Variants in TRIO observed in about 807,000 individuals in gnomAD.
TRIO encodes triple functional domain protein.
A neutral mutation model predicts 351.9 loss-of-function variants in TRIO; 58 were observed. The ratio of observed to expected loss-of-function variants is 0.16; its 90% confidence interval spans 0.13 to 0.21. The LOEUF (loss-of-function observed/expected upper bound fraction) is 0.21. TRIO is among the 10% of genes least tolerant of loss of function. TRIO has a pLI of 1.00. For synonymous variants in TRIO, 1,758 were observed against 1,595.7 expected, an observed-to-expected ratio of 1.10 and a Z score of -2.42; for missense variants, 3,201 against 4,027.8, an observed-to-expected ratio of 0.79 and a Z score of 5.56.
intron 9 of TRIO, among the ~76,000 whole-genome samples, chr5:14,327,857 C>T (rs1271060701): frequency 6.6e-6 from 1 of 152,182 alleles, no homozygotes; most frequent in Non-Finnish European, 1.5e-5. Context: ...CCGAGAGGTC[C>T]AGAAGTTGTC....
chr5:14,174,147 G>C lies in TRIO; in HGVS notation c.157+30265G>C, dbSNP rs574169163. ...AATGAGCGCTAGTTGCCTTCCACCC[G>C]TGTGGCTGTAACCTTCTGTTGCTGT... is the stretch of plus-strand genomic sequence containing the variant. On this transcript the variant is annotated intron_variant, in intron 1 of 56. Transcript: ENST00000344204. Among the ~76,000 whole-genome samples, 5 of 152,320 alleles carry C rather than the reference G, an allele frequency of 3.3e-5. No individual in the cohort carries two copies. In the East Asian group the frequency reaches 9.6e-4, roughly 29 times the overall value.
At chr5:14,296,509 GTGTT>G (rs1468297108) in intron 6 of TRIO, among the ~76,000 whole-genome samples, 1 of 152,224 alleles carries the variant, frequency 6.6e-6, no homozygotes, top group Non-Finnish European at 1.5e-5. Context: ...TAGCGTTGTT[GTGTT>G]TTTACTGCAA....
In TRIO at chr5:14,186,855, G is replaced by A. The variant is rs554421328; in HGVS notation, c.157+42973G>A. 2.0e-5 allele frequency among the ~76,000 whole-genome samples: 3 copies of A among 152,300 alleles called. No homozygotes were observed. The South Asian group carries it at 6.2e-4, about 32-fold the overall frequency. ...GGCCTCCCAAAATGCTGGGATAAAA[G>A]GCATGAGCCACCACGCCTGGCTAGT... On this transcript the variant is annotated intron_variant, in intron 1 of 56. Coordinates refer to ENST00000344204, the MANE Select transcript of TRIO (RefSeq NM_007118.4).
chr5:14,252,196 A>G (rs1055028339), intron 1 of TRIO, among the ~76,000 whole-genome samples: 5 of 152,230 alleles, frequency 3.3e-5, no homozygotes, highest in African/African-American at 9.6e-5. Flanking sequence ...AGACTTCAGT[A>G]TGTCAAGGCC....
intron 34 of TRIO, among the ~76,000 whole-genome samples, chr5:14,423,433 G>T (rs1488543474): frequency 6.6e-6 from 1 of 152,184 alleles, no homozygotes; most frequent in Non-Finnish European, 1.5e-5. Flanking sequence ...TGTAAAACTT[G>T]TCACTTTTAT....
At chr5:14,423,924 ATT>A (rs577094390) in intron 34 of TRIO, among the ~76,000 whole-genome samples, 63 of 118,124 alleles carry the variant, frequency 5.3e-4, no homozygotes, top group African/African-American at 5.0e-4. Context: ...ACCCCATGGA[ATT>A]TTTTTTTTTT....
rs557526357 is a variant in TRIO at position 14,203,049 on chromosome 5, G to A, written c.157+59167G>A. On this transcript the variant is annotated intron_variant, in intron 1 of 56. Transcript: ENST00000344204. ...GCCATGATAAGTTTTGTGGTGGTTC[G>A]TTTTGTAGTAATTAGATACCTGATA... Among the ~76,000 whole-genome samples the A allele has an allele frequency of 1.4e-4, 22 of 152,068 alleles. 1 individual carries two copies. Among genetic ancestry groups the A allele is most frequent in the African/African-American group, 5.1e-4 (21 of 41,500 alleles).
At chr5:14,161,100 G>C (rs1339667605) in intron 1 of TRIO, among the ~76,000 whole-genome samples, 1 of 152,036 alleles carries the variant, frequency 6.6e-6, no homozygotes, top group South Asian at 2.1e-4. Flanking sequence ...GTAGAGATGG[G>C]GTTTCACCAT....
intron 18 of TRIO, among the ~76,000 whole-genome samples, chr5:14,372,478 A>T (rs1273633855): frequency 6.6e-6 from 1 of 152,094 alleles, no homozygotes; most frequent in East Asian, 1.9e-4. Context: ...CAGTGGTAAT[A>T]ACTGTTTTTT....
At chr5:14,463,878 G>T (rs1181388317) in intron 36 of TRIO, among the ~76,000 whole-genome samples, 7 of 152,108 alleles carry the variant, frequency 4.6e-5, no homozygotes, top group Non-Finnish European at 1.0e-4. Flanking sequence ...GTCAAATCAT[G>T]CACTCCTCTT....
intron 1 of TRIO, among the ~76,000 whole-genome samples, chr5:14,257,194 G>GCC (rs1795071575): frequency 6.6e-6 from 1 of 152,216 alleles, no homozygotes; most frequent in Admixed American, 6.5e-5. Context: ...CCGCCCTCTT[G>GCC]CCCTCTGGAC....
chr5:14,285,993 AC>A (rs1736415514), intron 3 of TRIO, among the ~76,000 whole-genome samples: 1 of 152,130 alleles, frequency 6.6e-6, no homozygotes, highest in Non-Finnish European at 1.5e-5. Flanking sequence ...GTTTAAGGAC[AC>A]CTTAACTCTT....
intron 9 of TRIO, among the ~76,000 whole-genome samples, chr5:14,321,383 C>T (rs1739866544): frequency 6.6e-6 from 1 of 152,242 alleles, no homozygotes; most frequent in South Asian, 2.1e-4. Context: ...TTTTGGGCCC[C>T]TGTTGAAGGA....
intron 1 of TRIO, among the ~76,000 whole-genome samples, chr5:14,264,200 TTTGA>T (rs1279576588): frequency 1.3e-5 from 2 of 152,110 alleles, no homozygotes; most frequent in African/African-American, 2.4e-5. Context: ...TTGTGGTCTT[TTTGA>T]TTATTTTGGT....
intron 1 of TRIO, among the ~76,000 whole-genome samples, chr5:14,225,806 C>A (rs1792973930): frequency 6.9e-6 from 1 of 145,380 alleles, no homozygotes; most frequent in Non-Finnish European, 1.5e-5. Flanking sequence ...CCCCCCCCAC[C>A]TCCAAGCCCA....
At chr5:14,357,881 G>T (rs920334106) in intron 11 of TRIO, among the ~76,000 whole-genome samples, 10 of 152,186 alleles carry the variant, frequency 6.6e-5, no homozygotes, top group Non-Finnish European at 1.3e-4. Flanking sequence ...ATGGGAAAGA[G>T]CAGCTTCCCT....
At chr5:14,259,587 C>G (rs1318804907) in intron 1 of TRIO, among the ~76,000 whole-genome samples, 1 of 152,114 alleles carries the variant, frequency 6.6e-6, no homozygotes, top group Non-Finnish European at 1.5e-5. Context: ...GCACCTGAGT[C>G]AATATGAGCA....
chr5:14,245,638 T>C (rs1794390452), intron 1 of TRIO, among the ~76,000 whole-genome samples: 1 of 152,188 alleles, frequency 6.6e-6, no homozygotes, highest in Admixed American at 6.5e-5. Flanking sequence ...CAGTGGCCTT[T>C]GCAATAGACA....
At chr5:14,356,951 G>C (rs1743665890) in intron 11 of TRIO, among the ~76,000 whole-genome samples, 1 of 152,242 alleles carries the variant, frequency 6.6e-6, no homozygotes, top group Non-Finnish European at 1.5e-5. Flanking sequence ...CTGAGAGCAG[G>C]TGAGTGCCAG....
Sources: allele counts gnomAD v4.1 joint callset (sites outside exome capture counted in the v4.1 genomes callset), GRCh38; gene constraint gnomAD v4.1.1; transcripts MANE v1.5; gene names NCBI Gene and HGNC (gene_info 2026-07-23, HGNC 2026-07-21).